NAA60: variants seen among roughly 807,000 people sequenced by gnomAD.
NAA60 encodes the protein N-alpha-acetyltransferase 60.
In NAA60, 8 loss-of-function variants were observed where a neutral mutation model predicts 26.1. The ratio of observed to expected loss-of-function variants is 0.31; its 90% CI spans 0.18 to 0.55. NAA60 has a LOEUF of 0.55. Among genes scored for constraint, NAA60 ranks in the 20% least tolerant of loss-of-function variants. The pLI, the probability that NAA60 is intolerant of heterozygous loss-of-function variation, is 0.93. For synonymous variants in NAA60, 131 were observed against 122.5 expected, an observed-to-expected ratio of 1.07 and a Z score of -0.46; for missense variants, 290 against 311.3, an observed-to-expected ratio of 0.93 and a Z score of 0.51.
At chr16:3,461,868 G>A (rs935098353) in intron 2 of NAA60, among the ~76,000 whole-genome samples, 2 of 152,088 alleles carry the variant, frequency 1.3e-5, no homozygotes, top group East Asian at 3.8e-4. Flanking sequence ...TGGGCAGATC[G>A]CTTGAGCTCA....
intron 1 of NAA60, among the ~76,000 whole-genome samples, chr16:3,445,708 A>C (rs2034525026): frequency 6.6e-6 from 1 of 152,150 alleles, no homozygotes; most frequent in Non-Finnish European, 1.5e-5. Flanking sequence ...CATAATTACA[A>C]AGAAATAAAC....
chr16:3,457,840 A>C, intron 2 of NAA60: 1 of 389,590 alleles, frequency 2.6e-6, no homozygotes, highest in Non-Finnish European at 3.5e-6. Context: ...AGCGAGGGAC[A>C]GGGAAGGAGC....
chr16:3,468,787 A>C (rs755996122), intron 2 of NAA60, among the ~76,000 whole-genome samples: 3 of 152,194 alleles, frequency 2.0e-5, no homozygotes, highest in Non-Finnish European at 4.4e-5. Context: ...TAAAAATTCA[A>C]GGGAGTGGCC....
At chr16:3,482,354 C>G in intron 4 of NAA60, 148 bp from the exon 5 acceptor site, 1 of 660,538 alleles carries the variant, frequency 1.5e-6, no homozygotes, top group Non-Finnish European at 2.7e-6. Context: ...GTGGGGGCCC[C>G]TCTCCAGTAC....
Position 3,464,754 on chromosome 16 carries a change from T to C in NAA60, c.-6-11468T>C, listed in dbSNP as rs571026762. Among the ~76,000 whole-genome samples, 27 of 152,354 alleles carry C rather than the reference T, an allele frequency of 1.8e-4. 1 individual carries two copies. In the South Asian group the frequency reaches 5.6e-3, roughly 32 times the overall value. ...TGTTTTGTTTTTAAACCAAACAGGT[T>C]GACCCATTCACTCAATCTGAGTTAG... On this transcript the variant is annotated intron_variant, in intron 2 of 7. Transcript: ENST00000407558.
intron 2 of NAA60, among the ~76,000 whole-genome samples, chr16:3,462,013 G>A (rs1037263453): frequency 5.4e-5 from 8 of 149,446 alleles, no homozygotes; most frequent in Admixed American, 1.3e-4. Flanking sequence ...CTTGAGCCCA[G>A]GAGGTGGAGG....
chr16:3,483,390 A>G lies in NAA60; in HGVS notation c.365A>G (p.Asp122Gly). ...IGSLLLESLKDHISTTAQDHC... is the reference protein window; with the variant it reads ...IGSLLLESLKGHISTTAQDHC... ...TCCCTCTTACTTGAAAGTTTAAAGG[A>G]TCACATATCAACCACCGCCCAGGAC... Residue 122 changes from aspartate (D) to glycine (G), a missense_variant, in exon 6 of 8, where the codon GAT becomes GGT. Transcript: ENST00000407558. 6.2e-7 allele frequency: 1 copy of G among 1,613,034 alleles called. No individual in the cohort carries two copies. Among genetic ancestry groups the G allele is most frequent in the Non-Finnish European group, 8.5e-7 (1 of 1,179,424 alleles).
Position 3,479,512 on chromosome 16 carries a change from A to G in NAA60, c.152A>G (p.Lys51Arg). The G allele has an allele frequency of 2.5e-6, 4 of 1,614,044 alleles. No individual in the cohort carries two copies. The highest frequency in any genetic ancestry group is 2.5e-6 in the Non-Finnish European group (3 of 1,179,882). The change falls in exon 4 of 8, where the codon AAG becomes AGG. Residue 51 changes from lysine (K) to arginine (R), a missense_variant. Coordinates refer to ENST00000407558, the MANE Select transcript of NAA60 (RefSeq NM_001083601.3). ...SWYRDITSNK[K>R]FFSLAATYRG... ...TATCGTGATATCACATCCAACAAGA[A>G]GTTCTTTTCCCTTGCTGCAACCTAC...
intron 2 of NAA60, chr16:3,458,015 G>A (rs1279372612): frequency 1.0e-6 from 1 of 985,268 alleles, no homozygotes; most frequent in Non-Finnish European, 1.2e-6. Flanking sequence ...TGCCGGCAGG[G>A]AGCGGGAGGC....
intron 2 of NAA60, chr16:3,457,899 C>A (rs1409327039): frequency 4.8e-6 from 4 of 833,044 alleles, no homozygotes; most frequent in Non-Finnish European, 1.4e-6. Context: ...TGGCTTCGCA[C>A]GGAGCCTGCC....
intron 2 of NAA60, among the ~76,000 whole-genome samples, chr16:3,453,322 T>A (rs1400120478): frequency 6.6e-6 from 1 of 151,866 alleles, no homozygotes; most frequent in Non-Finnish European, 1.5e-5. Flanking sequence ...CGCTTGAACC[T>A]GGGAGGTGTA....
intron 2 of NAA60, among the ~76,000 whole-genome samples, chr16:3,474,834 A>G (rs922998990): frequency 6.6e-5 from 10 of 152,212 alleles, no homozygotes; most frequent in Non-Finnish European, 1.0e-4. Context: ...TTCTACTTTT[A>G]TTAGCTGGCA....
At chr16:3,482,752 G>A in intron 5 of NAA60, 154 bp downstream of exon 5, 2 of 653,030 alleles carry the variant, frequency 3.1e-6, no homozygotes, top group Admixed American at 2.2e-5. Flanking sequence ...CCCGTCTTGG[G>A]CCAGACCTTC....
Position 3,486,244 on chromosome 16 carries a change from A to T in NAA60, c.*984A>T, listed in dbSNP as rs940176322. 1 of 155,714 alleles carries T rather than the reference A, an allele frequency of 6.4e-6. No individual in the cohort carries two copies. The highest frequency in any genetic ancestry group is 1.4e-5 in the Non-Finnish European group (1 of 69,864). 9.6% of individuals were successfully genotyped at this position (155,714 alleles called of 1,614,324 possible). A position where few individuals can be genotyped will look rare whatever the true frequency, so the allele number is the denominator to read the frequency against. On this transcript the variant is annotated 3_prime_UTR_variant, in exon 8 of 8. Transcript: ENST00000407558. The stretch of plus-strand genomic sequence containing the variant: ...TGTCAGTGCCGCAGGTGCATCACAT[A>T]CTTCTAGCATCCTCTCCACCCTGCA...
intron 3 of NAA60, among the ~76,000 whole-genome samples, chr16:3,478,044 G>A (rs908541475): frequency 4.2e-5 from 6 of 141,224 alleles, no homozygotes; most frequent in Non-Finnish European, 9.4e-5. Flanking sequence ...CAACCTGAGC[G>A]ACAGTGAGAC....
At chr16:3,478,064 AAAT>A (rs60478448) in intron 3 of NAA60, among the ~76,000 whole-genome samples, 12 of 137,244 alleles carry the variant, frequency 8.7e-5, no homozygotes, top group East Asian at 2.1e-4. Flanking sequence ...CTCTGTCTCA[AAAT>A]AATAATAATA....
chr16:3,479,793 C>A (rs1358860358), intron 4 of NAA60, among the ~76,000 whole-genome samples, 193 bp downstream of exon 4: 1 of 152,024 alleles, frequency 6.6e-6, no homozygotes, highest in Non-Finnish European at 1.5e-5. Context: ...TTTCATGGTG[C>A]GTGGGCCTCC....
intron 2 of NAA60, chr16:3,457,851 C>A: frequency 2.1e-6 from 1 of 467,812 alleles, no homozygotes; most frequent in Non-Finnish European, 2.8e-6. Context: ...GGGAAGGAGC[C>A]GGCCCTCACC....
intron 4 of NAA60, among the ~76,000 whole-genome samples, chr16:3,480,663 AC>A (rs1332645144): frequency 3.1e-4 from 36 of 117,496 alleles, no homozygotes; most frequent in Non-Finnish European, 6.2e-4. Flanking sequence ...CACACCTATA[AC>A]CCCGGCATTT....
Sources: gnomAD v4.1 joint callset for allele counts (sites outside exome capture counted in the v4.1 genomes callset) on GRCh38, gnomAD v4.1.1 for gene constraint, MANE v1.5 for transcripts, NCBI Gene and HGNC (gene_info 2026-07-23, HGNC 2026-07-21) for gene names.